MLLT3: variants seen among roughly 807,000 people sequenced by gnomAD.
MLLT3 encodes the protein MLLT3 super elongation complex subunit, also known as protein AF-9.
In MLLT3, 4 loss-of-function variants were observed where a neutral mutation model predicts 53.2. The ratio of observed to expected loss-of-function variants is 0.08; its 90% CI spans 0.04 to 0.17. The LOEUF is 0.17. MLLT3 is among the 10% of genes least tolerant of loss of function. The pLI, the probability that MLLT3 is intolerant of heterozygous loss-of-function variation, is 1.00. For synonymous variants in MLLT3, 283 were observed against 230.6 expected (o/e 1.23, Z -2.06); for missense variants, 569 against 684.0 (o/e 0.83, Z 1.87).
At chr9:20,409,463 T>G (rs558296437) in intron 5 of MLLT3, among the ~76,000 whole-genome samples, 1 of 152,314 alleles carries the variant, frequency 6.6e-6, no homozygotes, top group African/African-American at 2.4e-5. Context: ...AAAATACAAT[T>G]ATAAACCTTT....
intron 2 of MLLT3, among the ~76,000 whole-genome samples, chr9:20,539,257 C>T (rs956231003): frequency 1.3e-5 from 2 of 152,224 alleles, no homozygotes; most frequent in Non-Finnish European, 2.9e-5. Flanking sequence ...CGTCTCAAAC[C>T]TTGCCACTGC....
At chr9:20,554,066 C>G (rs557551464) in intron 2 of MLLT3, among the ~76,000 whole-genome samples, 49 of 152,258 alleles carry the variant, frequency 3.2e-4, no homozygotes, top group African/African-American at 1.1e-3. Flanking sequence ...CTTTTCCTCT[C>G]TGTTCAGTTC....
At chr9:20,580,025 C>A (rs528672222) in intron 2 of MLLT3, among the ~76,000 whole-genome samples, 9 of 152,094 alleles carry the variant, frequency 5.9e-5, no homozygotes, top group Non-Finnish European at 1.0e-4. Context: ...ACTAAACAGG[C>A]CCATTAAATA....
intron 2 of MLLT3, among the ~76,000 whole-genome samples, chr9:20,612,391 T>C (rs1208083777): frequency 6.6e-6 from 1 of 152,166 alleles, no homozygotes; most frequent in Non-Finnish European, 1.5e-5. Flanking sequence ...TACATATATA[T>C]TGCCTTTTGG....
At chr9:20,428,707 C>T (rs1823194656) in intron 4 of MLLT3, among the ~76,000 whole-genome samples, 1 of 151,884 alleles carries the variant, frequency 6.6e-6, no homozygotes, top group Admixed American at 6.6e-5. Context: ...AAGGAAAGAA[C>T]TTTGAAAAGA....
intron 5 of MLLT3, among the ~76,000 whole-genome samples, chr9:20,368,941 T>C (rs1174765277): frequency 6.6e-6 from 1 of 152,200 alleles, no homozygotes; most frequent in Non-Finnish European, 1.5e-5. Context: ...TTGTGGAAGA[T>C]GAGACCTTTA....
At chr9:20,393,700 T>A (rs888247498) in intron 5 of MLLT3, among the ~76,000 whole-genome samples, 1 of 152,194 alleles carries the variant, frequency 6.6e-6, no homozygotes, top group Non-Finnish European at 1.5e-5. Context: ...ATAAAAGTAA[T>A]GCTAGTTGAC....
At chr9:20,390,787 T>C (rs1822160650) in intron 5 of MLLT3, among the ~76,000 whole-genome samples, 2 of 152,214 alleles carry the variant, frequency 1.3e-5, no homozygotes, top group South Asian at 4.1e-4. Flanking sequence ...TTTCCTTCTA[T>C]AATAGTAAGA....
intron 2 of MLLT3, among the ~76,000 whole-genome samples, chr9:20,502,968 CAG>C (rs1210898878): frequency 6.6e-6 from 1 of 151,998 alleles, no homozygotes; most frequent in African/African-American, 2.4e-5. Context: ...CCAAAAAGAA[CAG>C]AATGCTTAGG....
intron 2 of MLLT3, among the ~76,000 whole-genome samples, chr9:20,589,605 T>A: frequency 6.6e-6 from 1 of 151,098 alleles, no homozygotes. Context: ...AAAAGAAAAT[T>A]TTTTTATAAA....
At chr9:20,453,598 T>G (rs974590706) in intron 3 of MLLT3, among the ~76,000 whole-genome samples, 3 of 152,182 alleles carry the variant, frequency 2.0e-5, no homozygotes, top group Non-Finnish European at 4.4e-5. Context: ...TGTAAGCTTC[T>G]TCATTCCTCT....
Position 20,365,758 on chromosome 9 carries a change from TA to T in MLLT3, c.1126-15del. On this transcript the variant is annotated splice_polypyrimidine_tract_variant and intron_variant, in intron 5 of 10. Coordinates refer to ENST00000380338, the MANE Select transcript of MLLT3 (RefSeq NM_004529.4). ...GGGTTGTTCAGACTTTAAAGAAGAA[TA>T]AAAAGGCACCATCAATAAATTTACG... 1 of 1,613,892 alleles carries T rather than the reference TA, an allele frequency of 6.2e-7. No individual in the cohort carries two copies. Among genetic ancestry groups the T allele is most frequent in the Non-Finnish European group, 8.5e-7 (1 of 1,179,890 alleles).
At chr9:20,455,289 A>G (rs1027933840) in intron 3 of MLLT3, among the ~76,000 whole-genome samples, 1 of 152,232 alleles carries the variant, frequency 6.6e-6, no homozygotes, top group African/African-American at 2.4e-5. Context: ...CAATGGAGAG[A>G]AAGACCTAGA....
At position 20,535,550 on chromosome 9, in the gene MLLT3, AT is replaced by A. The variant is rs564689598; in HGVS notation, c.194-78765del. 2.3e-3 allele frequency among the ~76,000 whole-genome samples: 346 copies of A among 152,300 alleles called. 2 individuals carry two copies. Among genetic ancestry groups the A allele is most frequent in the African/African-American group, 8.0e-3 (332 of 41,562 alleles). The stretch of plus-strand genomic sequence containing the variant: ...AAAAAGGAAATGCGCAACCAAAAAA[AT>A]CAATCATAAAATATTTGAGTAATGA... On this transcript the variant is annotated intron_variant, in intron 2 of 10. Transcript: ENST00000380338.
intron 6 of MLLT3, among the ~76,000 whole-genome samples, chr9:20,365,463 G>A (rs560475649): frequency 9.2e-5 from 14 of 152,164 alleles, no homozygotes; most frequent in African/African-American, 3.4e-4. Flanking sequence ...TCAGCCCCCC[G>A]AGCAGCTGGG....
intron 2 of MLLT3, among the ~76,000 whole-genome samples, chr9:20,484,727 C>A (rs1466296221): frequency 6.6e-6 from 1 of 152,146 alleles, no homozygotes; most frequent in Non-Finnish European, 1.5e-5. Flanking sequence ...GTAAAAAGAA[C>A]TGCCCTTCCC....
intron 2 of MLLT3, among the ~76,000 whole-genome samples, chr9:20,515,727 G>A (rs559940149): frequency 6.6e-6 from 1 of 152,254 alleles, no homozygotes; most frequent in South Asian, 2.1e-4. Flanking sequence ...GGCAACCATA[G>A]TAAGTGGCCA....
intron 2 of MLLT3, among the ~76,000 whole-genome samples, chr9:20,553,195 A>G (rs1407987874): frequency 6.6e-6 from 1 of 152,194 alleles, no homozygotes; most frequent in African/African-American, 2.4e-5. Context: ...AAGCCACTTA[A>G]AACAAAACAA....
intron 2 of MLLT3, among the ~76,000 whole-genome samples, chr9:20,500,066 T>A (rs1201400507): frequency 6.6e-6 from 1 of 152,238 alleles, no homozygotes; most frequent in Non-Finnish European, 1.5e-5. Flanking sequence ...ACATAATAAG[T>A]CACCATCAAG....
Sources: allele counts gnomAD v4.1 joint callset (sites outside exome capture counted in the v4.1 genomes callset), GRCh38; gene constraint gnomAD v4.1.1; transcripts MANE v1.5; gene names NCBI Gene and HGNC (gene_info 2026-07-23, HGNC 2026-07-21).